Variants in PITPNM3 observed in about 807,000 individuals in gnomAD.
PITPNM3 encodes PITPNM family member 3.
PITPNM3 carries 26 observed loss-of-function variants against 102.0 expected under a neutral mutation model. The observed-to-expected ratio is 0.25, with a 90% confidence interval of 0.19 to 0.35. PITPNM3 has a LOEUF of 0.35. PITPNM3 is among the 10% of genes least tolerant of loss of function. The probability of loss-of-function intolerance (pLI) is 1.00; values close to 1 mark genes in which losing one functional copy is unlikely to be tolerated. For synonymous variants in PITPNM3, 578 were observed against 558.6 expected (o/e 1.03, Z -0.49); for missense variants, 1,083 against 1,346.1 (o/e 0.80, Z 3.06).
chr17:6,525,377 C>G lies in PITPNM3; in HGVS notation c.205G>C (p.Gly69Arg). Residue 69 changes from glycine (G) to arginine (R), a missense_variant, in exon 3 of 20, where the codon GGG becomes CGG. Physicochemically the swap from Gly to Arg is moderately radical, Grantham distance 125 (BLOSUM62 -2). Coordinates refer to ENST00000262483, the MANE Select transcript of PITPNM3 (RefSeq NM_031220.4). ...NDLVEQIETM[G>R]KLDEHQGEGT... ...TCACCTTGATGCTCGTCCAGTTTCC[C>G]CATGGTCTCGATCTGCTCCACGAGG... 3.1e-6 allele frequency: 5 copies of G among 1,614,180 alleles called. No homozygotes were observed. The highest frequency in any genetic ancestry group is 4.2e-6 in the Non-Finnish European group (5 of 1,180,006).
At chr17:6,531,438 C>T (rs989867421) in intron 2 of PITPNM3, among the ~76,000 whole-genome samples, 3 of 152,228 alleles carry the variant, frequency 2.0e-5, no homozygotes, top group Admixed American at 6.5e-5. Context: ...AACATGTCAA[C>T]CCATCCTCCT....
intron 14 of PITPNM3, among the ~76,000 whole-genome samples, chr17:6,467,205 C>T (rs1045754498): frequency 2.0e-5 from 3 of 152,094 alleles, no homozygotes; most frequent in Non-Finnish European, 4.4e-5. Flanking sequence ...TCTGACACAG[C>T]GACCAGTTGG....
intron 4 of PITPNM3, among the ~76,000 whole-genome samples, chr17:6,500,445 G>A: frequency 6.6e-6 from 1 of 152,126 alleles, no homozygotes; most frequent in East Asian, 1.9e-4. Flanking sequence ...AAAAGAAAAA[G>A]CATTTTAATG....
rs965492849 is a variant in PITPNM3, at chr17:6,459,658, T to C, written c.2490+1715A>G. Among the ~76,000 whole-genome samples the C allele has an allele frequency of 6.6e-6, 1 of 152,160 alleles. No individual in the cohort carries two copies. The highest frequency in any genetic ancestry group is 6.5e-5 in the Admixed American group (1 of 15,274). Reference sequence around the variant, plus strand: ...CATTCATTTATTCATTCTACCAACATTTATGGAGTCCCTACCATGTGGCAT... The same window carrying C: ...CATTCATTTATTCATTCTACCAACACTTATGGAGTCCCTACCATGTGGCAT... On this transcript the variant is annotated intron_variant, in intron 18 of 19. Coordinates refer to ENST00000262483, the MANE Select transcript of PITPNM3 (RefSeq NM_031220.4). This position sits in a 1 kb window ranked among gnomAD's most constrained non-coding sequence, Gnocchi z 5.0.
In PITPNM3 at chr17:6,468,106, GC is replaced by G; in HGVS notation, c.1890+118del. 1.0e-6 allele frequency: 1 copy of G among 956,188 alleles called. No homozygotes were observed. Among genetic ancestry groups the G allele is most frequent in the Non-Finnish European group, 1.7e-6 (1 of 601,716 alleles). 59.2% of individuals were successfully genotyped at this position (956,188 alleles called of 1,614,324 possible). ...AGTGTGAGCCCCAGCCTGTTTGGGT[GC>G]TGAGCTCTGAGGACAAATTGAAGCG... On this transcript the variant is annotated intron_variant, in intron 14 of 19. Transcript: ENST00000262483. This position sits in a 1 kb window ranked among gnomAD's most constrained non-coding sequence, Gnocchi z 5.2.
At chr17:6,477,942 T>C (rs761309467) in intron 8 of PITPNM3, 33 bp downstream of exon 8, 16 of 1,608,454 alleles carry the variant, frequency 9.9e-6, no homozygotes, top group African/African-American at 2.7e-5. Flanking sequence ...CCTATGGGCA[T>C]ACCCCTCCCG....
At chr17:6,539,084 T>C (rs1909598873) in intron 1 of PITPNM3, among the ~76,000 whole-genome samples, 1 of 152,216 alleles carries the variant, frequency 6.6e-6, no homozygotes, top group Non-Finnish European at 1.5e-5. Flanking sequence ...ACACCCAGTT[T>C]GTGCTTCATG....
chr17:6,529,816 C>T (rs746029876), intron 2 of PITPNM3, among the ~76,000 whole-genome samples: 4 of 152,204 alleles, frequency 2.6e-5, no homozygotes, highest in Non-Finnish European at 5.9e-5. Context: ...CCCATGGCCC[C>T]CCTATAGCCA....
At chr17:6,471,044 C>T in intron 12 of PITPNM3, 117 bp downstream of exon 12, 1 of 1,244,566 alleles carries the variant, frequency 8.0e-7, no homozygotes. Context: ...GGACTTCCTT[C>T]ACCTTCTCCC....
At chr17:6,543,008 G>T (rs1909811006) in intron 1 of PITPNM3, among the ~76,000 whole-genome samples, 1 of 152,188 alleles carries the variant, frequency 6.6e-6, no homozygotes, top group South Asian at 2.1e-4. Context: ...TTACAGGCGT[G>T]AGCCACCACA....
rs1018834366 is a variant in PITPNM3 at position 6,459,934 on chromosome 17, C to G, written c.2490+1439G>C. On this transcript the variant is annotated intron_variant, in intron 18 of 19. Transcript: ENST00000262483. This position sits in a 1 kb window ranked among gnomAD's most constrained non-coding sequence, Gnocchi z 5.0. ...ATGGTCTTCCTGTCTTTTGCTTGGGCAACAGCCCCCTAACTGGCCTCCCTG... is the reference window on the plus strand; with the variant it reads ...ATGGTCTTCCTGTCTTTTGCTTGGGGAACAGCCCCCTAACTGGCCTCCCTG... Among the ~76,000 whole-genome samples, 2 of 152,092 alleles carry G rather than the reference C, an allele frequency of 1.3e-5. No homozygotes were observed. Among genetic ancestry groups the G allele is most frequent in the African/African-American group, 4.8e-5 (2 of 41,410 alleles).
At chr17:6,494,569 C>T (rs1906688160) in intron 4 of PITPNM3, among the ~76,000 whole-genome samples, 3 of 152,198 alleles carry the variant, frequency 2.0e-5, no homozygotes, top group Admixed American at 6.5e-5. Context: ...AAAAGGTGCT[C>T]AACCTTAGAA....
rs138409804 is a variant in PITPNM3 at position 6,520,797 on chromosome 17, C to G, written c.226+4559G>C. ...TATATCCATACAAGGGAAAGTTACTCAGCCCCCAAAATGGAATAAAGTACT... is the reference window on the plus strand; with the variant it reads ...TATATCCATACAAGGGAAAGTTACTGAGCCCCCAAAATGGAATAAAGTACT... On this transcript the variant is annotated intron_variant, in intron 3 of 19. Transcript: ENST00000262483. Among the ~76,000 whole-genome samples, 9 of 152,306 alleles carry G rather than the reference C, an allele frequency of 5.9e-5. No individual in the cohort carries two copies. In the East Asian group the frequency reaches 1.7e-3, roughly 29 times the overall value.
At chr17:6,541,676 G>A (rs1283298213) in intron 1 of PITPNM3, among the ~76,000 whole-genome samples, 1 of 152,100 alleles carries the variant, frequency 6.6e-6, no homozygotes, top group East Asian at 1.9e-4. Flanking sequence ...AGATGTGCTA[G>A]AGGCCACCTA....
Position 6,469,471 on chromosome 17 carries a change from C to T in PITPNM3, c.1773+789G>A, listed in dbSNP as rs1279390872. 6.6e-6 allele frequency among the ~76,000 whole-genome samples: 1 copy of T among 152,118 alleles called. No homozygotes were observed. The highest frequency in any genetic ancestry group is 1.5e-5 in the Non-Finnish European group (1 of 68,022). On this transcript the variant is annotated intron_variant, in intron 13 of 19. Transcript: ENST00000262483. The surrounding 1 kb of genome is among the most constrained non-coding windows in gnomAD (Gnocchi z 4.0). ...CCTCCGCCCCCTGCCCAGCCCTGCT[C>T]TTCCGCACGTGCAGGACACAGAACC...
At chr17:6,551,310 T>C (rs1023862040) in intron 1 of PITPNM3, among the ~76,000 whole-genome samples, 1 of 149,332 alleles carries the variant, frequency 6.7e-6, no homozygotes, top group Non-Finnish European at 1.5e-5. Flanking sequence ...TGAGCTGAGC[T>C]GAGATCGCGC....
chr17:6,457,850 G>C lies in PITPNM3; in HGVS notation c.2491-128C>G. On this transcript the variant is annotated intron_variant, in intron 18 of 19. Coordinates refer to ENST00000262483, the MANE Select transcript of PITPNM3 (RefSeq NM_031220.4). This position sits in a 1 kb window ranked among gnomAD's most constrained non-coding sequence, Gnocchi z 4.7. ...TGCACTCTGGTAGACTCCAAGCCAT[G>C]GGGCCACCCTGTGTCAGGAATGAAC... 7.5e-7 allele frequency: 1 copy of C among 1,334,308 alleles called. No homozygotes were observed. The highest frequency in any genetic ancestry group is 1.0e-6 in the Non-Finnish European group (1 of 966,406). 82.7% of individuals were successfully genotyped at this position (1,334,308 alleles called of 1,614,324 possible). A position where few individuals can be genotyped will look rare whatever the true frequency, so the allele number is the denominator to read the frequency against.
At chr17:6,554,276 A>G (rs1910479778) in intron 1 of PITPNM3, among the ~76,000 whole-genome samples, 1 of 148,810 alleles carries the variant, frequency 6.7e-6, no homozygotes, top group East Asian at 2.0e-4. Flanking sequence ...GCCGAGATCA[A>G]GCCATGCCCT....
Position 6,469,043 on chromosome 17 carries a change from T to C in PITPNM3, c.1774-702A>G, listed in dbSNP as rs1332252444. 2.0e-5 allele frequency among the ~76,000 whole-genome samples: 3 copies of C among 152,106 alleles called. No homozygotes were observed. The highest frequency in any genetic ancestry group is 4.4e-5 in the Non-Finnish European group (3 of 68,010). On this transcript the variant is annotated intron_variant, in intron 13 of 19. Transcript: ENST00000262483. This position sits in a 1 kb window ranked among gnomAD's most constrained non-coding sequence, Gnocchi z 4.0. ...TCTCAGGGGTCCTCTCCCTACACTC[T>C]CTGGGTCCTCCAACCTCAGGGATGT...
Sources: allele counts gnomAD v4.1 joint callset (sites outside exome capture counted in the v4.1 genomes callset), GRCh38; gene constraint gnomAD v4.1.1; non-coding constraint Gnocchi (gnomAD v3.1); transcripts MANE v1.5; gene names NCBI Gene and HGNC (gene_info 2026-07-23, HGNC 2026-07-21).